Variants in ROBO2 observed in about 807,000 individuals in gnomAD.
The protein encoded by ROBO2 is roundabout guidance receptor 2.
ROBO2 carries 53 observed loss-of-function variants against 160.8 expected under a neutral mutation model. That is an observed-to-expected ratio of 0.33 (90% CI 0.26 to 0.41). The LOEUF (loss-of-function observed/expected upper bound fraction) is 0.41, where lower values mean the gene tolerates loss of function less well. Among genes scored for constraint, ROBO2 ranks in the 10% least tolerant of loss-of-function variants. The pLI, the probability that ROBO2 is intolerant of heterozygous loss-of-function variation, is 1.00. For synonymous variants in ROBO2, 664 were observed against 611.7 expected (o/e 1.09, Z -1.26); for missense variants, 1,577 against 1,722.4 (o/e 0.92, Z 1.49).
At chr3:77,126,324 A>G (rs2075309070) in intron 2 of ROBO2, among the ~76,000 whole-genome samples, 1 of 152,180 alleles carries the variant, frequency 6.6e-6, no homozygotes, top group African/African-American at 2.4e-5. Context: ...GTTACCTAGG[A>G]GTGTTATTAT....
intron 2 of ROBO2, among the ~76,000 whole-genome samples, chr3:77,326,035 C>T (rs764645777): frequency 2.3e-4 from 35 of 152,064 alleles, no homozygotes; most frequent in Non-Finnish European, 4.6e-4. Context: ...AAAACATTTG[C>T]TCATTTTATT....
chr3:77,267,890 A>G (rs565652009), intron 2 of ROBO2, among the ~76,000 whole-genome samples: 5 of 152,176 alleles, frequency 3.3e-5, no homozygotes, highest in East Asian at 1.9e-4. Context: ...CCCCCAATAA[A>G]TCTCCAACTA....
At chr3:76,719,686 C>T (rs2093434888) in intron 2 of ROBO2, among the ~76,000 whole-genome samples, 1 of 152,026 alleles carries the variant, frequency 6.6e-6, no homozygotes, top group African/African-American at 2.4e-5. Flanking sequence ...GAGTTTGAGA[C>T]CAGCCTGGCC....
At chr3:77,280,020 T>C (rs1270747889) in intron 2 of ROBO2, among the ~76,000 whole-genome samples, 2 of 152,190 alleles carry the variant, frequency 1.3e-5, no homozygotes, top group Non-Finnish European at 2.9e-5. Flanking sequence ...ATAACCCTCC[T>C]CTGTTTAAAA....
chr3:76,724,690 G>A (rs1443043557), intron 2 of ROBO2, among the ~76,000 whole-genome samples: 2 of 152,100 alleles, frequency 1.3e-5, no homozygotes, highest in Non-Finnish European at 2.9e-5. Flanking sequence ...TATGTCCGTA[G>A]TAGGCTGAGT....
intron 2 of ROBO2, among the ~76,000 whole-genome samples, chr3:76,419,482 G>T (rs1428083638): frequency 1.3e-5 from 2 of 152,106 alleles, no homozygotes; most frequent in Non-Finnish European, 2.9e-5. Context: ...GTGAAAGCAG[G>T]TGAAGGTGAT....
At position 77,592,832 on chromosome 3, in the gene ROBO2, G is replaced by A. The variant is rs540367535; in HGVS notation, c.2684-2310G>A. 7.9e-5 allele frequency among the ~76,000 whole-genome samples: 12 copies of A among 152,200 alleles called. No individual in the cohort carries two copies. The East Asian group carries it at 1.7e-3, about 22-fold the overall frequency. ...CTCCCAAAGTGCTGGGATTACAGGC[G>A]TGAGCCACCATGCCCGGCCTCATGA... On this transcript the variant is annotated intron_variant, in intron 17 of 25. Transcript: ENST00000461745.
intron 2 of ROBO2, among the ~76,000 whole-genome samples, chr3:76,143,236 G>GC (rs2071754667): frequency 6.6e-6 from 1 of 151,964 alleles, no homozygotes; most frequent in African/African-American, 2.4e-5. Context: ...TCAATAGGTT[G>GC]CCCAGGCTGG....
At chr3:76,649,345 A>G (rs544510333) in intron 2 of ROBO2, among the ~76,000 whole-genome samples, 1 of 152,266 alleles carries the variant, frequency 6.6e-6, no homozygotes, top group East Asian at 1.9e-4. Flanking sequence ...TACTCCAGCG[A>G]TTTCAGAATA....
chr3:77,110,333 T>C (rs765791108), intron 2 of ROBO2, among the ~76,000 whole-genome samples: 8 of 152,194 alleles, frequency 5.3e-5, no homozygotes, highest in Non-Finnish European at 1.2e-4. Flanking sequence ...TTTTGAGTCA[T>C]TAACATATTT....
chr3:76,010,932 A>C (rs1008593040), intron 2 of ROBO2, among the ~76,000 whole-genome samples: 2 of 152,204 alleles, frequency 1.3e-5, no homozygotes, highest in Admixed American at 6.5e-5. Context: ...ATTGCCCAAA[A>C]TACATCCTAG....
At chr3:77,080,768 T>C (rs553590590) in intron 1 of ROBO2, among the ~76,000 whole-genome samples, 1 of 152,304 alleles carries the variant, frequency 6.6e-6, no homozygotes, top group South Asian at 2.1e-4. Flanking sequence ...GTGGTATGAA[T>C]GCAGAAAGCT....
chr3:77,589,066 C>T (rs754046085), intron 17 of ROBO2, 133 bp downstream of exon 18: 10 of 960,206 alleles, frequency 1.0e-5, no homozygotes, highest in African/African-American at 1.6e-5. Flanking sequence ...AATGCAATTA[C>T]ACTCAACATG....
rs532009606 is a variant in ROBO2 at position 76,903,751 on chromosome 3, C to T, written c.110-194263C>T. Among the ~76,000 whole-genome samples, 550 of 152,204 alleles carry T rather than the reference C, an allele frequency of 3.6e-3. 4 individuals are homozygous for T. The highest frequency in any genetic ancestry group is 5.4e-3 in the Non-Finnish European group (369 of 67,998). On this transcript the variant is annotated intron_variant, in intron 2 of 26. Transcript: ENST00000487694. ...ATTGCTATTGATTATTCTTGTGTAA[C>T]GATAGGCACAGAATTCCCCGATAGC...
chr3:77,144,051 C>G (rs950667779), intron 2 of ROBO2, among the ~76,000 whole-genome samples: 1 of 152,182 alleles, frequency 6.6e-6, no homozygotes, highest in African/African-American at 2.4e-5. Context: ...ATGATCCGAT[C>G]TTACCTTATT....
intron 2 of ROBO2, among the ~76,000 whole-genome samples, chr3:77,312,113 A>C (rs932298423): frequency 2.6e-5 from 4 of 152,098 alleles, no homozygotes; most frequent in Non-Finnish European, 5.9e-5. Flanking sequence ...GATTCAGAAA[A>C]TTTTAAAATT....
chr3:77,568,552 T>A, intron 13 of ROBO2, 118 bp downstream of exon 14: 1 of 1,151,788 alleles, frequency 8.7e-7, no homozygotes, highest in South Asian at 1.3e-5. Flanking sequence ...AATCAAGGTG[T>A]AATCAATGAT....
chr3:76,443,034 A>T (rs2077000456), intron 2 of ROBO2, among the ~76,000 whole-genome samples: 2 of 151,974 alleles, frequency 1.3e-5, no homozygotes, highest in African/African-American at 4.8e-5. Context: ...CACGGCACCA[A>T]CATCTACTTC....
intron 2 of ROBO2, among the ~76,000 whole-genome samples, chr3:76,928,649 A>T (rs1290160937): frequency 6.6e-6 from 1 of 152,034 alleles, no homozygotes. Flanking sequence ...ACAGGGTCTC[A>T]ACAATTCTAC....
Sources: allele counts gnomAD v4.1 joint callset (sites outside exome capture counted in the v4.1 genomes callset), GRCh38; gene constraint gnomAD v4.1.1; transcripts MANE v1.5; gene names NCBI Gene and HGNC (gene_info 2026-07-23, HGNC 2026-07-21).